LRRFIP2: variants seen among roughly 807,000 people sequenced by gnomAD.
LRRFIP2 encodes LRR binding FLII interacting protein 2.
In LRRFIP2, 109 loss-of-function variants were observed where a neutral mutation model predicts 125.9. The observed-to-expected ratio is 0.87, with a 90% CI of 0.74 to 1.01. The LOEUF (loss-of-function observed/expected upper bound fraction) is 1.01. Ranked by LOEUF, LRRFIP2 falls within the 50% of genes least tolerant of loss-of-function variation. The probability of loss-of-function intolerance (pLI) is 0.00; values close to 1 mark genes in which losing one functional copy is unlikely to be tolerated. For synonymous variants in LRRFIP2, 291 were observed against 293.1 expected (o/e 0.99, Z 0.07); for missense variants, 850 against 862.3 (o/e 0.99, Z 0.18).
intron 19 of LRRFIP2, among the ~76,000 whole-genome samples, chr3:37,076,687 A>T (rs1459528673): frequency 1.3e-5 from 2 of 151,960 alleles, no homozygotes; most frequent in African/African-American, 4.8e-5. Context: ...ACCAACATAG[A>T]GAAACCCTGT....
chr3:37,171,823 G>C (rs932390075), intron 1 of LRRFIP2, among the ~76,000 whole-genome samples: 1 of 152,124 alleles, frequency 6.6e-6, no homozygotes, highest in Non-Finnish European at 1.5e-5. Context: ...ATTGATACTG[G>C]TCATAAAATT....
intron 16 of LRRFIP2, among the ~76,000 whole-genome samples, chr3:37,095,557 A>G (rs2093674495): frequency 1.3e-5 from 2 of 152,234 alleles, no homozygotes; most frequent in African/African-American, 2.4e-5. Flanking sequence ...AGAGTTGCAT[A>G]TAGGATACAT....
At chr3:37,114,028 C>T (rs2094660677) in intron 7 of LRRFIP2, among the ~76,000 whole-genome samples, 3 of 152,042 alleles carry the variant, frequency 2.0e-5, no homozygotes, top group African/African-American at 2.4e-5. Context: ...CTATCAAGAG[C>T]CAAAGGCAAC....
intron 24 of LRRFIP2, among the ~76,000 whole-genome samples, chr3:37,061,437 C>G (rs1196917602): frequency 6.7e-6 from 1 of 150,322 alleles, no homozygotes; most frequent in Non-Finnish European, 1.5e-5. Flanking sequence ...CAAAGTCTCA[C>G]TCTGCCACCC....
chr3:37,172,214 T>G (rs868629450), intron 1 of LRRFIP2, among the ~76,000 whole-genome samples: 2 of 152,234 alleles, frequency 1.3e-5, no homozygotes. Flanking sequence ...CAAAGACTTA[T>G]ATATGTATTG....
intron 2 of LRRFIP2, among the ~76,000 whole-genome samples, chr3:37,139,654 C>T (rs556381957): frequency 6.6e-6 from 1 of 152,302 alleles, no homozygotes; most frequent in East Asian, 1.9e-4. Context: ...GTCACACACA[C>T]TCACACACAT....
intron 6 of LRRFIP2, 32 bp downstream of exon 6, chr3:37,121,460 T>C: frequency 6.2e-7 from 1 of 1,603,722 alleles, no homozygotes; most frequent in Non-Finnish European, 8.5e-7. Context: ...ACACGTAAGC[T>C]TTGTATTGTG....
chr3:37,157,318 C>T (rs1560119343), intron 1 of LRRFIP2, among the ~76,000 whole-genome samples: 2 of 152,156 alleles, frequency 1.3e-5, no homozygotes, highest in South Asian at 4.1e-4. Flanking sequence ...TGGCACACAC[C>T]TATAGTCCCA....
At chr3:37,152,834 G>C (rs1433406641) in intron 1 of LRRFIP2, among the ~76,000 whole-genome samples, 1 of 152,152 alleles carries the variant, frequency 6.6e-6, no homozygotes, top group Non-Finnish European at 1.5e-5. Context: ...TTTCAGACTA[G>C]ATTGACAATT....
intron 6 of LRRFIP2, 168 bp downstream of exon 6, chr3:37,121,324 A>G: frequency 1.6e-6 from 1 of 636,682 alleles, no homozygotes; most frequent in Non-Finnish European, 2.7e-6. Context: ...ACTTATGACA[A>G]TAATTTGAAA....
chr3:37,059,695 G>T (rs1216226740), intron 24 of LRRFIP2, among the ~76,000 whole-genome samples: 1 of 152,000 alleles, frequency 6.6e-6, no homozygotes. Context: ...GCTGAGGCAG[G>T]AGAATCATTT....
Position 37,066,267 on chromosome 3 carries a change from C to T in LRRFIP2, c.1523G>A (p.Arg508Lys). Residue 508 changes from arginine to lysine, a missense_variant, in exon 22 of 28, where the codon AGA becomes AAA. Coordinates refer to ENST00000336686, the MANE Select transcript of LRRFIP2 (RefSeq NM_006309.4). ...ACLRNERDML[R>K]EELADLQETV... is the part of the protein sequence containing the mutation. ...CTCCTGCAGGTCAGCCAGCTCCTCT[C>T]TGAGCATATCTCGCTCATTCCTAAG... 6.2e-7 allele frequency: 1 copy of T among 1,614,168 alleles called. No homozygotes were observed. The highest frequency in any genetic ancestry group is 8.5e-7 in the Non-Finnish European group (1 of 1,179,994).
intron 2 of LRRFIP2, among the ~76,000 whole-genome samples, chr3:37,134,296 T>C (rs948935204): frequency 2.0e-5 from 3 of 152,162 alleles, no homozygotes; most frequent in Admixed American, 1.3e-4. Flanking sequence ...ATTCACTGTA[T>C]CACTCAATGA....
chr3:37,101,719 C>G (rs1210633549), intron 15 of LRRFIP2, among the ~76,000 whole-genome samples: 2 of 151,270 alleles, frequency 1.3e-5, no homozygotes, highest in Admixed American at 6.6e-5. Flanking sequence ...AATGCCACCT[C>G]TCACCCCCTC....
rs576890536 is a variant in LRRFIP2, at chr3:37,070,549, A to C, written c.1464+2241T>G. 3.9e-5 allele frequency among the ~76,000 whole-genome samples: 6 copies of C among 152,026 alleles called. No individual in the cohort carries two copies. The South Asian group carries it at 1.0e-3, about 26-fold the overall frequency. Reference sequence around the variant, plus strand: ...TCAGGAGTTCGAGACCAGCCTGGCCAACATGGTGAAACCCCATCTCTACTA... The same window carrying C: ...TCAGGAGTTCGAGACCAGCCTGGCCCACATGGTGAAACCCCATCTCTACTA... On this transcript the variant is annotated intron_variant, in intron 21 of 27. Transcript: ENST00000336686.
At chr3:37,084,158 G>C (rs2092861090) in intron 18 of LRRFIP2, among the ~76,000 whole-genome samples, 2 of 152,114 alleles carry the variant, frequency 1.3e-5, no homozygotes, top group Admixed American at 1.3e-4. Context: ...TTTAATAACA[G>C]ACTGGTGTTC....
intron 6 of LRRFIP2, among the ~76,000 whole-genome samples, chr3:37,117,897 G>A (rs2094866238): frequency 6.6e-6 from 1 of 152,114 alleles, no homozygotes; most frequent in Non-Finnish European, 1.5e-5. Context: ...TATATCCTTT[G>A]ATGGGTTCTT....
upstream of LRRFIP2, chr3:37,176,294 GGAGGAGCCGCAGCCT>G (rs1342498950): frequency 1.3e-5 from 2 of 152,306 alleles, no homozygotes; most frequent in African/African-American, 4.8e-5. Flanking sequence ...ACCGGCCCCG[GGAGGAGCCGCAGCCT>G]GAGCGGCCGA....
At chr3:37,055,535 C>T (rs1170860008) in intron 25 of LRRFIP2, among the ~76,000 whole-genome samples, 4 of 152,058 alleles carry the variant, frequency 2.6e-5, no homozygotes, top group Admixed American at 2.6e-4. Flanking sequence ...CACTGCACTC[C>T]AGCCTGGCAA....
Sources: gnomAD v4.1 joint callset for allele counts (sites outside exome capture counted in the v4.1 genomes callset) on GRCh38, gnomAD v4.1.1 for gene constraint, MANE v1.5 for transcripts, NCBI Gene and HGNC (gene_info 2026-07-23, HGNC 2026-07-21) for gene names.